Variants in GRID2 observed in about 807,000 individuals in gnomAD.
The protein encoded by GRID2 is glutamate receptor ionotropic, delta-2.
In GRID2, 33 loss-of-function variants were observed where a neutral mutation model predicts 114.8. That is an observed-to-expected ratio of 0.29 (90% CI 0.22 to 0.38). The LOEUF (loss-of-function observed/expected upper bound fraction) is 0.38. GRID2 is among the 10% of genes least tolerant of loss of function. The probability of loss-of-function intolerance (pLI) is 1.00; values close to 1 mark genes in which losing one functional copy is unlikely to be tolerated. For missense variants in GRID2, 1,184 were observed against 1,257.7 expected (o/e 0.94, Z 0.89); for synonymous variants, 505 against 449.9 (o/e 1.12, Z -1.55).
chr4:92,544,033 C>G (rs927681530), intron 1 of GRID2, among the ~76,000 whole-genome samples: 1 of 152,084 alleles, frequency 6.6e-6, no homozygotes, highest in Admixed American at 6.6e-5. Flanking sequence ...TTGCCAAATA[C>G]TAGTCATGAC....
chr4:93,389,915 A>G (rs1579923287), intron 8 of GRID2, among the ~76,000 whole-genome samples: 1 of 152,056 alleles, frequency 6.6e-6, no homozygotes, highest in Non-Finnish European at 1.5e-5. Flanking sequence ...CAGCCCCCCA[A>G]GTAGCTGGGA....
At position 92,304,595 on chromosome 4, in the gene GRID2, C is replaced by A; in HGVS notation, c.-62C>A. ...CCACCGTGACCTCAAACTCTTTGGA[C>A]TGTTTGAAAAAAAAAAAATTGGAAG... On this transcript the variant is annotated 5_prime_UTR_variant, in exon 1 of 16. It adds an upstream start codon to the 5' untranslated region. Coordinates refer to ENST00000282020, the MANE Select transcript of GRID2 (RefSeq NM_001510.4). The A allele has an allele frequency of 9.1e-7, 1 of 1,102,238 alleles. No homozygotes were observed. Among genetic ancestry groups the A allele is most frequent in the Non-Finnish European group, 1.4e-6 (1 of 714,362 alleles). 68.3% of individuals were successfully genotyped at this position (1,102,238 alleles called of 1,614,324 possible).
intron 1 of GRID2, among the ~76,000 whole-genome samples, chr4:92,420,983 C>A (rs1039381316): frequency 2.8e-4 from 42 of 152,208 alleles, no homozygotes; most frequent in African/African-American, 9.9e-4. Flanking sequence ...AGCTGCCTGG[C>A]CCTCACACTG....
At chr4:92,517,473 G>C (rs1195697850) in intron 1 of GRID2, among the ~76,000 whole-genome samples, 1 of 151,808 alleles carries the variant, frequency 6.6e-6, no homozygotes, top group Non-Finnish European at 1.5e-5. Flanking sequence ...TCATATTTTA[G>C]ATATTATTCT....
At chr4:92,437,121 G>A (rs915204073) in intron 1 of GRID2, among the ~76,000 whole-genome samples, 1 of 152,122 alleles carries the variant, frequency 6.6e-6, no homozygotes, top group Non-Finnish European at 1.5e-5. Context: ...TTTGAATCAT[G>A]TGGGTCTTAT....
chr4:92,347,714 G>A (rs182280199), intron 1 of GRID2, among the ~76,000 whole-genome samples: 14 of 152,174 alleles, frequency 9.2e-5, no homozygotes, highest in African/African-American at 3.4e-4. Flanking sequence ...ATAACCTATA[G>A]GAAGGCGAGA....
intron 2 of GRID2, among the ~76,000 whole-genome samples, chr4:92,774,051 TA>T (rs879607760): frequency 1.3e-5 from 2 of 152,102 alleles, no homozygotes; most frequent in African/African-American, 2.4e-5. Flanking sequence ...TAAATATAAC[TA>T]AATAATTTTA....
At chr4:92,803,050 G>T (rs1740250136) in intron 2 of GRID2, among the ~76,000 whole-genome samples, 1 of 151,910 alleles carries the variant, frequency 6.6e-6, no homozygotes, top group Non-Finnish European at 1.5e-5. Context: ...AATATTTGTT[G>T]TCTAGGTAAT....
intron 13 of GRID2, among the ~76,000 whole-genome samples, chr4:93,608,204 A>G (rs1740486787): frequency 6.8e-6 from 1 of 147,514 alleles, no homozygotes; most frequent in African/African-American, 2.5e-5. Context: ...TTCCTTCCTT[A>G]TATGTATTAC....
At chr4:93,210,753 T>G (rs987542688) in intron 5 of GRID2, among the ~76,000 whole-genome samples, 13 of 152,020 alleles carry the variant, frequency 8.6e-5, no homozygotes, top group African/African-American at 3.1e-4. Context: ...GATAATTATC[T>G]TTATGGTTTA....
At chr4:93,463,909 A>C (rs1724010415) in intron 11 of GRID2, among the ~76,000 whole-genome samples, 1 of 152,082 alleles carries the variant, frequency 6.6e-6, no homozygotes, top group African/African-American at 2.4e-5. Flanking sequence ...GAATGGCGTG[A>C]ACCTGGGAGG....
At chr4:93,456,014 G>T in intron 11 of GRID2, 40 bp downstream of exon 11, 2 of 1,181,918 alleles carry the variant, frequency 1.7e-6, no homozygotes, top group South Asian at 2.5e-5. Context: ...AAAAAAAATA[G>T]AATGTGATGT....
chr4:92,922,808 T>C (rs1749474573), intron 2 of GRID2, among the ~76,000 whole-genome samples: 1 of 152,180 alleles, frequency 6.6e-6, no homozygotes, highest in Non-Finnish European at 1.5e-5. Flanking sequence ...AAGCGATGCT[T>C]ATTTTTTGAT....
At chr4:92,656,472 T>TA (rs370868206) in intron 2 of GRID2, among the ~76,000 whole-genome samples, 24,718 of 145,192 alleles carry the variant, frequency 0.17, 2,501 homozygotes, top group East Asian at 0.29. Context: ...AAAGAAAAAT[T>TA]AAAAAAAAAA....
At chr4:93,245,501 A>G (rs1347683934) in intron 8 of GRID2, among the ~76,000 whole-genome samples, 1 of 152,196 alleles carries the variant, frequency 6.6e-6, no homozygotes, top group Non-Finnish European at 1.5e-5. Flanking sequence ...ATAGGGAAAT[A>G]GTGAGTACTT....
chr4:93,745,366 CTATT>C (rs1731756332), intron 14 of GRID2, among the ~76,000 whole-genome samples: 1 of 152,148 alleles, frequency 6.6e-6, no homozygotes, highest in Admixed American at 6.6e-5. Context: ...ATGTTGCCTT[CTATT>C]TATTTAATAC....
At chr4:93,727,456 T>C (rs1730033542) in intron 14 of GRID2, among the ~76,000 whole-genome samples, 1 of 152,160 alleles carries the variant, frequency 6.6e-6, no homozygotes, top group African/African-American at 2.4e-5. Context: ...TCTTTTTTGG[T>C]TGTGTCTCTG....
rs954139505 is a variant in GRID2, at chr4:92,799,709, C to A, written c.244+209423C>A. Among the ~76,000 whole-genome samples, 151 of 151,964 alleles carry A rather than the reference C, an allele frequency of 9.9e-4. 1 individual carries two copies. The highest frequency in any genetic ancestry group is 1.6e-4 in the Non-Finnish European group (11 of 67,960). On this transcript the variant is annotated intron_variant, in intron 2 of 15. Coordinates refer to ENST00000282020, the MANE Select transcript of GRID2 (RefSeq NM_001510.4). ...TTTAAAGGGGTTACAAATACAAATA[C>A]AAAACAGATACAGCATAAAGTCACA...
chr4:92,673,843 G>C (rs1440515892), intron 2 of GRID2, among the ~76,000 whole-genome samples: 2 of 151,996 alleles, frequency 1.3e-5, no homozygotes, highest in African/African-American at 2.4e-5. Context: ...AGGAAGGGGG[G>C]AGGGATAGCA....
Sources: gnomAD v4.1 joint callset for allele counts (sites outside exome capture counted in the v4.1 genomes callset) on GRCh38, gnomAD v4.1.1 for gene constraint, MANE v1.5 for transcripts, NCBI Gene and HGNC (gene_info 2026-07-23, HGNC 2026-07-21) for gene names.